Variants in PARD3B observed in about 807,000 individuals in gnomAD.
The protein encoded by PARD3B is partitioning defective 3 homolog B.
In PARD3B, 103 loss-of-function variants were observed where a neutral mutation model predicts 130.2. That is an observed-to-expected ratio of 0.79 (90% confidence interval 0.67 to 0.93). PARD3B has a LOEUF of 0.93. Among genes scored for constraint, PARD3B ranks in the 40% least tolerant of loss-of-function variants. The pLI, the probability that PARD3B is intolerant of heterozygous loss-of-function variation, is 0.00. For synonymous variants in PARD3B, 583 were observed against 553.2 expected (o/e 1.05, Z -0.76); for missense variants, 1,609 against 1,499.2 (o/e 1.07, Z -1.21).
rs143670726 is a variant in PARD3B, at chr2:205,319,499, T to G, written c.2630+17798T>G. Among the ~76,000 whole-genome samples, 33 of 152,352 alleles carry G rather than the reference T, an allele frequency of 2.2e-4. No homozygotes were observed. In the East Asian group the frequency reaches 2.3e-3, roughly 11 times the overall value. On this transcript the variant is annotated intron_variant, in intron 18 of 22. Coordinates refer to ENST00000406610, the MANE Select transcript of PARD3B (RefSeq NM_001302769.2). ...GTATTTATCTGTCATTTGCCTTCCT[T>G]ACTGCTATGGTCTGTGTAGCTGGCA...
chr2:205,605,677 G>A (rs955425681), intron 22 of PARD3B, among the ~76,000 whole-genome samples: 1 of 152,192 alleles, frequency 6.6e-6, no homozygotes. Context: ...GAATGCTCCT[G>A]TATAAGGTGT....
chr2:205,558,273 A>ACTCG lies in PARD3B; in HGVS notation c.3260+4870_3260+4871insCTCG, dbSNP rs2052981516. Among the ~76,000 whole-genome samples, 2 of 152,216 alleles carry ACTCG rather than the reference A, an allele frequency of 1.3e-5. No individual in the cohort carries two copies. The highest frequency in any genetic ancestry group is 6.5e-5 in the Admixed American group (1 of 15,290). On this transcript the variant is annotated intron_variant, in intron 22 of 22. Coordinates refer to ENST00000406610, the MANE Select transcript of PARD3B (RefSeq NM_001302769.2). The surrounding 1 kb of genome is among the most constrained non-coding windows in gnomAD (Gnocchi z 4.8). The stretch of plus-strand genomic sequence containing the variant: ...GTAGAGGCCATACCCAGGGCGAGTT[A>ACTCG]ACCAGGAAGGTGGAGCATGATGCTC...
At chr2:205,354,095 G>A (rs1196275397) in intron 18 of PARD3B, among the ~76,000 whole-genome samples, 2 of 141,582 alleles carry the variant, frequency 1.4e-5, no homozygotes, top group Admixed American at 7.7e-5. Flanking sequence ...TGCAGTGGCA[G>A]TGACATGAAC....
chr2:205,119,913 T>C (rs1364188521), intron 7 of PARD3B, among the ~76,000 whole-genome samples: 2 of 152,152 alleles, frequency 1.3e-5, no homozygotes, highest in Non-Finnish European at 1.5e-5. Context: ...TTTTAATGTG[T>C]GTTGGCATTG....
intron 2 of PARD3B, among the ~76,000 whole-genome samples, chr2:204,780,426 C>T (rs1182711722): frequency 2.0e-5 from 3 of 152,062 alleles, no homozygotes; most frequent in Admixed American, 1.3e-4. Flanking sequence ...AAAGGAAAGC[C>T]TGCATGAAAC....
At chr2:205,227,829 C>A (rs1168896386) in intron 15 of PARD3B, among the ~76,000 whole-genome samples, 1 of 151,900 alleles carries the variant, frequency 6.6e-6, no homozygotes, top group East Asian at 1.9e-4. Flanking sequence ...TAATTTCTTT[C>A]TTTTTCTTTT....
intron 21 of PARD3B, among the ~76,000 whole-genome samples, chr2:205,528,065 C>G (rs908296356): frequency 1.3e-5 from 2 of 152,188 alleles, no homozygotes; most frequent in African/African-American, 4.8e-5. Flanking sequence ...AGCCAATGGT[C>G]TATGTGAGTG....
chr2:205,212,335 C>T (rs897858493), intron 15 of PARD3B, among the ~76,000 whole-genome samples: 1 of 152,078 alleles, frequency 6.6e-6, no homozygotes, highest in African/African-American at 2.4e-5. Flanking sequence ...TTCCAGGCTT[C>T]AAGAATCTTC....
chr2:205,077,246 G>A (rs997729568), intron 4 of PARD3B, among the ~76,000 whole-genome samples: 1 of 152,152 alleles, frequency 6.6e-6, no homozygotes, highest in African/African-American at 2.4e-5. Flanking sequence ...AAAGATCAGG[G>A]ACTTGGCTTC....
intron 21 of PARD3B, among the ~76,000 whole-genome samples, chr2:205,506,397 G>C (rs1366446945): frequency 6.6e-6 from 1 of 152,166 alleles, no homozygotes; most frequent in Non-Finnish European, 1.5e-5. Context: ...GGCTCAGGTA[G>C]ATCATAGTTG....
chr2:205,115,057 G>A (rs907772527), intron 6 of PARD3B, among the ~76,000 whole-genome samples: 1 of 151,964 alleles, frequency 6.6e-6, no homozygotes, highest in African/African-American at 2.4e-5. Flanking sequence ...AATGAAGGTG[G>A]GATAGAGCAC....
At chr2:205,107,978 C>T (rs1575806327) in intron 5 of PARD3B, among the ~76,000 whole-genome samples, 1 of 152,184 alleles carries the variant, frequency 6.6e-6, no homozygotes, top group African/African-American at 2.4e-5. Flanking sequence ...ACTCCTGCTT[C>T]CACAGATAAG....
intron 16 of PARD3B, among the ~76,000 whole-genome samples, chr2:205,294,433 A>C (rs2105883591): frequency 6.6e-6 from 1 of 152,294 alleles, no homozygotes; most frequent in South Asian, 2.1e-4. Context: ...CAGGAAAGAA[A>C]CCTAAACAAG....
chr2:205,371,356 C>T (rs1321838558), intron 18 of PARD3B, among the ~76,000 whole-genome samples: 1 of 152,124 alleles, frequency 6.6e-6, no homozygotes, highest in African/African-American at 2.4e-5. Flanking sequence ...ATGGGGCCTA[C>T]TTTCTCTGGT....
At chr2:205,603,198 A>C (rs945724800) in intron 22 of PARD3B, among the ~76,000 whole-genome samples, 13 of 152,106 alleles carry the variant, frequency 8.5e-5, no homozygotes, top group Non-Finnish European at 1.8e-4. Flanking sequence ...CTTGAGTTCT[A>C]AGTTGGTTGT....
chr2:204,933,044 T>G (rs2125781436), intron 2 of PARD3B, among the ~76,000 whole-genome samples: 1 of 152,322 alleles, frequency 6.6e-6, no homozygotes, highest in Admixed American at 6.5e-5. Context: ...AAGTGACCTC[T>G]GTCTCAAACC....
At chr2:204,979,390 A>T (rs1357634893) in intron 3 of PARD3B, among the ~76,000 whole-genome samples, 2 of 152,188 alleles carry the variant, frequency 1.3e-5, no homozygotes, top group Admixed American at 1.3e-4. Context: ...ATGCTTTATC[A>T]TGTCAACCAC....
intron 2 of PARD3B, among the ~76,000 whole-genome samples, chr2:204,805,200 A>C (rs1351375711): frequency 6.6e-6 from 1 of 152,134 alleles, no homozygotes; most frequent in Non-Finnish European, 1.5e-5. Flanking sequence ...GAGAAGACCT[A>C]AACAAATAAA....
intron 10 of PARD3B, among the ~76,000 whole-genome samples, chr2:205,138,239 T>G (rs892765015): frequency 1.3e-5 from 2 of 152,232 alleles, no homozygotes; most frequent in Admixed American, 6.5e-5. Flanking sequence ...ATTCTTGTTT[T>G]TATGCAAATA....
Sources: gnomAD v4.1 joint callset for allele counts (sites outside exome capture counted in the v4.1 genomes callset) on GRCh38, gnomAD v4.1.1 for gene constraint, Gnocchi (gnomAD v3.1) non-coding constraint, MANE v1.5 for transcripts, NCBI Gene and HGNC (gene_info 2026-07-23, HGNC 2026-07-21) for gene names.